The following ETV6 variants were observed in gnomAD, a reference collection of about 807,000 sequenced individuals.
ETV6 encodes transcription factor ETV6.
In ETV6, 16 loss-of-function variants were observed where a neutral mutation model predicts 51.1. That is an observed-to-expected ratio of 0.31 (90% CI 0.21 to 0.48). The LOEUF (loss-of-function observed/expected upper bound fraction) is 0.48. Among genes scored for constraint, ETV6 ranks in the 20% least tolerant of loss-of-function variants. ETV6 has a pLI of 0.99. For synonymous variants in ETV6, 240 were observed against 224.1 expected, an observed-to-expected ratio of 1.07 and a Z score of -0.64; for missense variants, 458 against 594.8, an observed-to-expected ratio of 0.77 and a Z score of 2.39.
intron 2 of ETV6, among the ~76,000 whole-genome samples, chr12:11,823,161 T>C (rs1946105396): frequency 6.6e-6 from 1 of 152,202 alleles, no homozygotes; most frequent in African/African-American, 2.4e-5. Flanking sequence ...GGGCTCTTTC[T>C]GAGATGAGCA....
In ETV6 at chr12:11,727,605, G is replaced by C. The variant is rs531958862; in HGVS notation, c.34-24845G>C. On this transcript the variant is annotated intron_variant, in intron 1 of 7. Coordinates refer to ENST00000396373, the MANE Select transcript of ETV6 (RefSeq NM_001987.5). ...TCCTTGGAGCTGGTTTTCTAGTTAA[G>C]AGGCTTGATTAAAAGCGTGGGGGGA... 2.6e-5 allele frequency among the ~76,000 whole-genome samples: 4 copies of C among 152,262 alleles called. No homozygotes were observed. The South Asian group carries it at 8.3e-4, about 32-fold the overall frequency.
rs998355589 is a variant in ETV6 at position 11,800,690 on chromosome 12, G to C, written c.164-38450G>C. Among the ~76,000 whole-genome samples the C allele has an allele frequency of 1.3e-5, 2 of 152,134 alleles. 1 individual carries two copies. The highest frequency in any genetic ancestry group is 1.3e-4 in the Admixed American group (2 of 15,274). ...AATGTGCACCAGATTCACCCATGTT[G>C]CTGCAGATGGACTTCAAAATGTAAA... On this transcript the variant is annotated intron_variant, in intron 2 of 7. Coordinates refer to ENST00000396373, the MANE Select transcript of ETV6 (RefSeq NM_001987.5).
intron 1 of ETV6, among the ~76,000 whole-genome samples, chr12:11,720,284 A>G (rs1489804021): frequency 6.6e-6 from 1 of 152,236 alleles, no homozygotes; most frequent in Non-Finnish European, 1.5e-5. Flanking sequence ...TCTGGATATA[A>G]GTAAGAAACC....
chr12:11,887,749 GAAAAAAA>G (rs58685356), intron 7 of ETV6, among the ~76,000 whole-genome samples: 2 of 97,396 alleles, frequency 2.1e-5, no homozygotes. Flanking sequence ...TCCATCTCAA[GAAAAAAA>G]AAAAAAAAAG....
intron 5 of ETV6, among the ~76,000 whole-genome samples, chr12:11,878,871 T>C (rs1280464794): frequency 6.6e-6 from 1 of 150,618 alleles, no homozygotes; most frequent in Non-Finnish European, 1.5e-5. Flanking sequence ...CTGAATGTTG[T>C]AAACCGTGTT....
chr12:11,789,246 C>G (rs1018289973), intron 2 of ETV6, among the ~76,000 whole-genome samples: 1 of 152,208 alleles, frequency 6.6e-6, no homozygotes, highest in African/African-American at 2.4e-5. Context: ...GTTGGCCAGG[C>G]TAGTCTCAAA....
At chr12:11,809,176 AAGAT>A (rs1410669021) in intron 2 of ETV6, among the ~76,000 whole-genome samples, 1 of 151,452 alleles carries the variant, frequency 6.6e-6, no homozygotes, top group Non-Finnish European at 1.5e-5. Context: ...AAAAAAAAAA[AAGAT>A]AGGAAGTGAG....
chr12:11,784,426 T>C (rs1429190171), intron 2 of ETV6, among the ~76,000 whole-genome samples: 1 of 144,608 alleles, frequency 6.9e-6, no homozygotes, highest in South Asian at 2.2e-4. Context: ...GCCACTGCAC[T>C]CGCGCCTGGG....
intron 2 of ETV6, among the ~76,000 whole-genome samples, chr12:11,819,647 G>A (rs1364335283): frequency 6.6e-6 from 1 of 152,206 alleles, no homozygotes; most frequent in African/African-American, 2.4e-5. Flanking sequence ...TCTAGTTTCA[G>A]GAATCAGGAG....
chr12:11,858,585 C>T (rs928921964), intron 4 of ETV6, among the ~76,000 whole-genome samples: 7 of 152,084 alleles, frequency 4.6e-5, no homozygotes, highest in African/African-American at 1.7e-4. Flanking sequence ...GAGCAAGATC[C>T]GGATTTCTCA....
Position 11,853,412 on chromosome 12 carries a change from C to A in ETV6, c.329-15C>A, listed in dbSNP as rs762048190. The A allele has an allele frequency of 5.6e-5, 91 of 1,613,872 alleles. No individual in the cohort carries two copies. Among genetic ancestry groups the A allele is most frequent in the Non-Finnish European group, 7.5e-5 (88 of 1,179,940 alleles). ...TCTTTCCATTTCTCGATTTCCCTTT[C>A]CTTTTTCTTTCCAGGTGATGTGCTC... On this transcript the variant is annotated splice_polypyrimidine_tract_variant and intron_variant, in intron 3 of 7. Coordinates refer to ENST00000396373, the MANE Select transcript of ETV6 (RefSeq NM_001987.5).
At chr12:11,790,547 C>T (rs1945567531) in intron 2 of ETV6, among the ~76,000 whole-genome samples, 1 of 152,052 alleles carries the variant, frequency 6.6e-6, no homozygotes, top group African/African-American at 2.4e-5. Context: ...AGCTGCCAAC[C>T]TCCTAGGAGC....
At chr12:11,742,783 CTCATT>C (rs1865832398) in intron 1 of ETV6, among the ~76,000 whole-genome samples, 1 of 149,054 alleles carries the variant, frequency 6.7e-6, no homozygotes, top group African/African-American at 2.4e-5. Flanking sequence ...TAAGCTTCAT[CTCATT>C]TTTCTTTTCT....
At chr12:11,734,517 AAAAAAAAAAAAG>A (rs1320849086) in intron 1 of ETV6, among the ~76,000 whole-genome samples, 1 of 130,764 alleles carries the variant, frequency 7.6e-6, no homozygotes, top group African/African-American at 3.6e-5. Context: ...TGAGATGAGC[AAAAAAAAAAAAG>A]AAAAAAAAAA....
chr12:11,668,531 C>A (rs1301144883), intron 1 of ETV6, among the ~76,000 whole-genome samples: 1 of 152,092 alleles, frequency 6.6e-6, no homozygotes, highest in East Asian at 1.9e-4. Flanking sequence ...AACTAGTCTT[C>A]TATGTGGTAA....
At chr12:11,853,809 G>A (rs1946593170) in intron 4 of ETV6, among the ~76,000 whole-genome samples, 1 of 152,184 alleles carries the variant, frequency 6.6e-6, no homozygotes, top group Non-Finnish European at 1.5e-5. Flanking sequence ...AAGGTGTGGT[G>A]GAAGGGTCCA....
At chr12:11,840,306 G>A (rs548986814) in intron 3 of ETV6, among the ~76,000 whole-genome samples, 2 of 152,298 alleles carry the variant, frequency 1.3e-5, no homozygotes, top group Admixed American at 6.5e-5. Flanking sequence ...TCAAAGATTT[G>A]TCTCAGTTTC....
rs1161685666 is a variant in ETV6, at chr12:11,713,630, A to T, written c.34-38820A>T. Among the ~76,000 whole-genome samples the T allele has an allele frequency of 2.6e-5, 4 of 152,138 alleles. No individual in the cohort carries two copies. The South Asian group carries it at 6.2e-4, about 24-fold the overall frequency. ...CTTCCACTCAGGGGGGCTTTCCCTGAGCACCTTATAGAAAATAAATAAAAT... is the reference window on the plus strand; with the variant it reads ...CTTCCACTCAGGGGGGCTTTCCCTGTGCACCTTATAGAAAATAAATAAAAT... On this transcript the variant is annotated intron_variant, in intron 1 of 7. Transcript: ENST00000396373.
intron 2 of ETV6, among the ~76,000 whole-genome samples, chr12:11,782,614 T>G (rs1036311457): frequency 2.0e-5 from 3 of 152,188 alleles, no homozygotes; most frequent in Admixed American, 1.3e-4. Flanking sequence ...ACAGAGGGAT[T>G]GGGGAATCAC....
Sources: allele counts gnomAD v4.1 joint callset (sites outside exome capture counted in the v4.1 genomes callset), GRCh38; gene constraint gnomAD v4.1.1; transcripts MANE v1.5; gene names NCBI Gene and HGNC (gene_info 2026-07-23, HGNC 2026-07-21).